Variants in NOCT observed in about 807,000 individuals in gnomAD.
The protein encoded by NOCT is nocturnin.
A neutral mutation model predicts 35.0 loss-of-function variants in NOCT; 18 were observed. That is an observed-to-expected ratio of 0.51 (90% CI 0.36 to 0.76). The LOEUF (loss-of-function observed/expected upper bound fraction) is 0.76, where lower values mean the gene tolerates loss of function less well. NOCT is among the 30% of genes least tolerant of loss of function. The probability of loss-of-function intolerance (pLI) is 0.01; values close to 1 mark genes in which losing one functional copy is unlikely to be tolerated. For synonymous variants in NOCT, 235 were observed against 226.3 expected (o/e 1.04, Z -0.34); for missense variants, 479 against 541.0 (o/e 0.89, Z 1.14).
chr4:139,016,736 C>T (rs1208479297), intron 1 of NOCT, among the ~76,000 whole-genome samples: 3 of 150,000 alleles, frequency 2.0e-5, no homozygotes, highest in South Asian at 4.2e-4. Context: ...TTACCGCAAC[C>T]TCCCGCTCCC....
intron 1 of NOCT, among the ~76,000 whole-genome samples, chr4:139,018,898 T>C (rs1726362371): frequency 6.6e-6 from 1 of 152,158 alleles, no homozygotes; most frequent in African/African-American, 2.4e-5. Flanking sequence ...AAGAGATTAC[T>C]ATAAAGCGTT....
intron 1 of NOCT, among the ~76,000 whole-genome samples, chr4:139,026,696 G>A (rs1428971556): frequency 6.6e-6 from 1 of 151,742 alleles, no homozygotes; most frequent in African/African-American, 2.4e-5. Flanking sequence ...GATTACAGGT[G>A]CCCACCGTCA....
At chr4:139,043,009 A>G in intron 1 of NOCT, 65 bp from the exon 2 acceptor site, 9 of 1,432,852 alleles carry the variant, frequency 6.3e-6, no homozygotes, top group Non-Finnish European at 8.6e-6. Flanking sequence ...TTTATCTTAC[A>G]GTTGTGCTGG....
intron 1 of NOCT, among the ~76,000 whole-genome samples, chr4:139,031,350 C>T (rs1442336313): frequency 6.6e-6 from 1 of 151,980 alleles, no homozygotes; most frequent in Non-Finnish European, 1.5e-5. Context: ...GGGGTTTCAC[C>T]ATGTTGGCCA....
At chr4:139,037,787 C>A (rs1323175716) in intron 1 of NOCT, among the ~76,000 whole-genome samples, 2 of 151,934 alleles carry the variant, frequency 1.3e-5, no homozygotes, top group African/African-American at 2.4e-5. Context: ...ACTCAGGAGG[C>A]TGAGGTGGGA....
At position 139,043,304 on chromosome 4, in the gene NOCT, C is replaced by G. The variant is rs141943649; in HGVS notation, c.421C>G (p.Pro141Ala). ...GAGGACAGATTGCCCTAGTACCCAC[C>G]CACCTATCAGGGTTATGCAATGGAA... ...DLRTDCPSTH[P>A]PIRVMQWNIL... The change falls in exon 2 of 3, where the codon CCA (proline) becomes GCA (alanine). Residue 141 changes from proline to alanine, a missense_variant. By Grantham distance (27) the Pro-to-Ala change is conservative (BLOSUM62 -1). Coordinates refer to ENST00000280614, the MANE Select transcript of NOCT (RefSeq NM_012118.4). The G allele has an allele frequency of 1.7e-5, 27 of 1,614,022 alleles. No individual in the cohort carries two copies. The highest frequency in any genetic ancestry group is 1.6e-4 in the Middle Eastern group (1 of 6,084).
intron 1 of NOCT, among the ~76,000 whole-genome samples, chr4:139,038,331 G>C (rs934709678): frequency 6.6e-6 from 1 of 152,166 alleles, no homozygotes; most frequent in African/African-American, 2.4e-5. Flanking sequence ...TCACGCTGCA[G>C]TATATCCTGC....
intron 2 of NOCT, 170 bp downstream of exon 2, chr4:139,043,513 G>T: frequency 2.8e-5 from 15 of 538,328 alleles, no homozygotes; most frequent in South Asian, 9.7e-5. Flanking sequence ...GAATCATCTG[G>T]TTTTCACTTT....
At chr4:139,025,244 G>A (rs915848343) in intron 1 of NOCT, among the ~76,000 whole-genome samples, 2 of 152,128 alleles carry the variant, frequency 1.3e-5, no homozygotes, top group African/African-American at 2.4e-5. Context: ...CATGTAACTA[G>A]TGCCACCGTT....
In NOCT at chr4:139,039,197, AGCTTGAGGACT is replaced by A. The variant is rs565071711; in HGVS notation, c.191-3874_191-3864del. Among the ~76,000 whole-genome samples, 35 of 123,850 alleles carry A rather than the reference AGCTTGAGGACT, an allele frequency of 2.8e-4. No individual in the cohort carries two copies. The South Asian group carries it at 0.01, about 37-fold the overall frequency. 81.3% of individuals were successfully genotyped at this position (123,850 alleles called of 152,430 possible). ...AAAAAAAAAAAAAAAAGCCATTCTTAGCTTGAGGACTGCCAATCCTTGCTTTAGTAGATTCC... is the reference window on the plus strand; with the variant it reads ...AAAAAAAAAAAAAAAAGCCATTCTTAGCCAATCCTTGCTTTAGTAGATTCC... On this transcript the variant is annotated intron_variant, in intron 1 of 2. Transcript: ENST00000280614.
At chr4:139,032,773 C>CT (rs1246268950) in intron 1 of NOCT, among the ~76,000 whole-genome samples, 9 of 152,094 alleles carry the variant, frequency 5.9e-5, no homozygotes, top group African/African-American at 1.7e-4. Context: ...GTTCGAAAAT[C>CT]TTTTTAAAGT....
rs1726908429 is a variant in NOCT at position 139,045,125 on chromosome 4, A to G, written c.947A>G (p.Lys316Arg). 14 of 1,614,104 alleles carry G rather than the reference A, an allele frequency of 8.7e-6. No individual in the cohort carries two copies. The highest frequency in any genetic ancestry group is 1.3e-5 in the African/African-American group (1 of 74,946). ...QNLQNITQGA[K>R]IPLIVCGDFN... is the part of the protein sequence containing the mutation. ...CTGCAAAACATCACCCAAGGAGCCA[A>G]GATTCCCCTTATTGTGTGTGGGGAC... is the stretch of plus-strand genomic sequence containing the variant. Residue 316 changes from lysine to arginine, a missense_variant, in exon 3 of 3, where the codon AAG (lysine) becomes AGG (arginine). Lys to Arg is a conservative substitution (Grantham distance 26). Transcript: ENST00000280614.
At chr4:139,036,315 A>G (rs763308701) in intron 1 of NOCT, among the ~76,000 whole-genome samples, 8 of 152,092 alleles carry the variant, frequency 5.3e-5, no homozygotes, top group Non-Finnish European at 1.0e-4. Flanking sequence ...GGCTGGCCTC[A>G]AACTCCTGGC....
At chr4:139,035,129 A>T (rs571221777) in intron 1 of NOCT, among the ~76,000 whole-genome samples, 1 of 148,666 alleles carries the variant, frequency 6.7e-6, no homozygotes, top group Non-Finnish European at 1.5e-5. Context: ...AACTGTGGAC[A>T]TTTTTTTTTT....
chr4:139,015,883 C>T lies in NOCT; in HGVS notation c.-99C>T, dbSNP rs1418806536. On this transcript the variant is annotated 5_prime_UTR_variant, in exon 1 of 3. Transcript: ENST00000280614. ...CGAGAAGGAGCCTGGGAGCATCCGC[C>T]CACACTGCCCGGACAGTCGGCTCGA... 1.0e-6 allele frequency: 1 copy of T among 978,258 alleles called. No individual in the cohort carries two copies. The highest frequency in any genetic ancestry group is 3.7e-5 in the East Asian group (1 of 26,844). 60.6% of individuals were successfully genotyped at this position (978,258 alleles called of 1,614,324 possible).
At chr4:139,017,331 G>A (rs1394486052) in intron 1 of NOCT, among the ~76,000 whole-genome samples, 1 of 148,614 alleles carries the variant, frequency 6.7e-6, no homozygotes, top group Non-Finnish European at 1.5e-5. Context: ...GGGTTCAAGC[G>A]ATTCTCCTGC....
chr4:139,043,122 A>G lies in NOCT; in HGVS notation c.239A>G (p.Lys80Arg), dbSNP rs531309316. 1 of 1,613,918 alleles carries G rather than the reference A, an allele frequency of 6.2e-7. No individual in the cohort carries two copies. Among genetic ancestry groups the G allele is most frequent in the South Asian group, 1.1e-5 (1 of 91,082 alleles). Residue 80 changes from lysine to arginine, a missense_variant, in exon 2 of 3, where the codon AAG becomes AGG. This residue lies in a region of NOCT where 265 missense variants were observed against 257.0 expected (regional missense o/e 1.03). Transcript: ENST00000280614. ...AGCAGACTCTATAGTGCTCTCGCCA[A>G]GACACTGAACAGCAGCGCTGCCTCC... ...GTSRLYSALA[K>R]TLNSSAASQH...
At chr4:139,040,583 C>A (rs1726818735) in intron 1 of NOCT, among the ~76,000 whole-genome samples, 1 of 152,108 alleles carries the variant, frequency 6.6e-6, no homozygotes, top group South Asian at 2.1e-4. Flanking sequence ...TTCATTTTTG[C>A]ATGGTAGTTT....
Position 139,024,636 on chromosome 4 carries a change from G to T in NOCT, c.190+8465G>T, listed in dbSNP as rs186179401. On this transcript the variant is annotated intron_variant, in intron 1 of 2. Coordinates refer to ENST00000280614, the MANE Select transcript of NOCT (RefSeq NM_012118.4). ...AGATGGGGTCTCGCTCTGTCACTCA[G>T]GCTGGAGTGCTGTGGCGTGATCTCA... Among the ~76,000 whole-genome samples, 32 of 152,182 alleles carry T rather than the reference G, an allele frequency of 2.1e-4. No individual in the cohort carries two copies. The East Asian group carries it at 5.8e-3, about 28-fold the overall frequency.
Sources: allele counts gnomAD v4.1 joint callset (sites outside exome capture counted in the v4.1 genomes callset), GRCh38; gene constraint gnomAD v4.1.1; regional missense constraint gnomAD v4.1.1; transcripts MANE v1.5; gene names NCBI Gene and HGNC (gene_info 2026-07-23, HGNC 2026-07-21).